The following CHCHD6 variants were observed in gnomAD, a reference collection of about 807,000 sequenced individuals.
CHCHD6 encodes coiled-coil-helix-coiled-coil-helix domain containing 6, also known as MICOS complex subunit MIC25.
A neutral mutation model predicts 32.3 loss-of-function variants in CHCHD6; 28 were observed. That is an observed-to-expected ratio of 0.87 (90% CI 0.64 to 1.19). CHCHD6 has a LOEUF of 1.19. CHCHD6 is among the 50% of genes most tolerant of loss of function. The pLI is 0.00. For synonymous variants in CHCHD6, 122 were observed against 117.5 expected (o/e 1.04, Z -0.25); for missense variants, 333 against 307.0 (o/e 1.08, Z -0.63).
At chr3:126,771,366 G>A (rs887039400) in intron 4 of CHCHD6, among the ~76,000 whole-genome samples, 2 of 151,782 alleles carry the variant, frequency 1.3e-5, no homozygotes, top group African/African-American at 2.4e-5. Context: ...CACCACGCCC[G>A]GCTAATTTTT....
rs1192969405 is a variant in CHCHD6 at position 126,960,225 on chromosome 3, T to C, written c.*24T>C. 9 of 1,551,164 alleles carry C rather than the reference T, an allele frequency of 5.8e-6. No individual in the cohort carries two copies. Among genetic ancestry groups the C allele is most frequent in the Non-Finnish European group, 7.8e-6 (9 of 1,146,818 alleles). The stretch of plus-strand genomic sequence containing the variant: ...GAGGAGCAGACATCATTCCCTGCCC[T>C]GGCAGTGACTTGGAGCCCTGAAGAA... On this transcript the variant is annotated 3_prime_UTR_variant, in exon 8 of 8. Transcript: ENST00000290913.
chr3:126,788,154 C>T (rs1475654065), intron 4 of CHCHD6, among the ~76,000 whole-genome samples: 1 of 152,144 alleles, frequency 6.6e-6, no homozygotes, highest in African/African-American at 2.4e-5. Flanking sequence ...TTGAACCAGC[C>T]TTGCATCCCA....
intron 5 of CHCHD6, among the ~76,000 whole-genome samples, chr3:126,853,929 C>T (rs560908343): frequency 6.6e-6 from 1 of 152,158 alleles, no homozygotes; most frequent in Non-Finnish European, 1.5e-5. Flanking sequence ...TTCATAGGCA[C>T]AGGGTTTTGG....
At chr3:126,789,302 A>C (rs544588315) in intron 4 of CHCHD6, among the ~76,000 whole-genome samples, 2 of 152,100 alleles carry the variant, frequency 1.3e-5, no homozygotes, top group African/African-American at 2.4e-5. Flanking sequence ...TATTCTGTTG[A>C]TTTGGGGTGG....
intron 4 of CHCHD6, among the ~76,000 whole-genome samples, chr3:126,778,435 T>A (rs779515441): frequency 6.6e-6 from 1 of 152,200 alleles, no homozygotes; most frequent in Non-Finnish European, 1.5e-5. Flanking sequence ...CACCAACGCT[T>A]GTCTTTTTGA....
intron 1 of CHCHD6, among the ~76,000 whole-genome samples, chr3:126,721,183 T>C (rs1297516663): frequency 1.3e-5 from 2 of 152,190 alleles, no homozygotes; most frequent in Non-Finnish European, 2.9e-5. Flanking sequence ...GATGTTTCCT[T>C]GCTCACAAAC....
chr3:126,710,616 G>A (rs974020940), intron 1 of CHCHD6, among the ~76,000 whole-genome samples: 1 of 152,170 alleles, frequency 6.6e-6, no homozygotes, highest in Non-Finnish European at 1.5e-5. Flanking sequence ...TTTCTGAGGA[G>A]TGTTTTTTAC....
chr3:126,908,419 C>T (rs898036486), intron 5 of CHCHD6, among the ~76,000 whole-genome samples: 1 of 152,248 alleles, frequency 6.6e-6, no homozygotes, highest in African/African-American at 2.4e-5. Flanking sequence ...TAGTGGGAAT[C>T]AGCAAACTTT....
chr3:126,958,646 C>A (rs777364097), intron 7 of CHCHD6, among the ~76,000 whole-genome samples: 8 of 152,220 alleles, frequency 5.3e-5, no homozygotes, highest in Non-Finnish European at 8.8e-5. Flanking sequence ...CACCGACTGT[C>A]CCTTCATGGC....
intron 5 of CHCHD6, among the ~76,000 whole-genome samples, chr3:126,855,304 A>G (rs1407584079): frequency 6.6e-6 from 1 of 152,192 alleles, no homozygotes; most frequent in Non-Finnish European, 1.5e-5. Context: ...ACAGCAATTC[A>G]GTCACTGTGC....
chr3:126,842,234 C>CT (rs202164701), intron 4 of CHCHD6, among the ~76,000 whole-genome samples: 41 of 152,190 alleles, frequency 2.7e-4, no homozygotes, highest in Middle Eastern at 3.4e-3. Flanking sequence ...GAGACTCTGT[C>CT]TTTTTTTTAA....
intron 4 of CHCHD6, among the ~76,000 whole-genome samples, chr3:126,742,105 A>G (rs927821604): frequency 6.6e-6 from 1 of 152,180 alleles, no homozygotes; most frequent in Non-Finnish European, 1.5e-5. Context: ...TCAGCGTTTT[A>G]GGGGATAGTA....
intron 4 of CHCHD6, among the ~76,000 whole-genome samples, chr3:126,804,732 CA>C (rs201436181): frequency 0.01 from 1,549 of 152,146 alleles, 27 homozygotes; most frequent in African/African-American, 0.035. Context: ...CAAAGCCTGG[CA>C]GAGACACAAC....
rs56141711 is a variant in CHCHD6, at chr3:126,902,658, A to C, written c.496-12022A>C. Among the ~76,000 whole-genome samples, 439 of 150,586 alleles carry C rather than the reference A, an allele frequency of 2.9e-3. 2 individuals are homozygous for C. The highest frequency in any genetic ancestry group is 4.1e-3 in the Non-Finnish European group (275 of 67,796). ...CGTGAACCTGGGAGGCAGAGGTTGC[A>C]GTGAGCCGAGATCGCGCCACTGTAC... On this transcript the variant is annotated intron_variant, in intron 5 of 7. Transcript: ENST00000290913.
intron 1 of CHCHD6, among the ~76,000 whole-genome samples, chr3:126,725,541 G>T (rs1935490280): frequency 6.6e-6 from 1 of 152,170 alleles, no homozygotes; most frequent in African/African-American, 2.4e-5. Context: ...TCCATTAAAA[G>T]TCACCAACTG....
intron 4 of CHCHD6, among the ~76,000 whole-genome samples, chr3:126,753,277 A>G: frequency 6.6e-6 from 1 of 151,888 alleles, no homozygotes; most frequent in East Asian, 1.9e-4. Context: ...GCATGAAGGA[A>G]CCTCAAGTTG....
chr3:126,845,503 A>G (rs950389585), intron 4 of CHCHD6, among the ~76,000 whole-genome samples: 16 of 152,212 alleles, frequency 1.1e-4, no homozygotes, highest in African/African-American at 3.1e-4. Flanking sequence ...GTTGTCGTCA[A>G]TCAACTCCAG....
In CHCHD6 at chr3:126,739,327, G is replaced by T. The variant is rs939876351; in HGVS notation, c.411+6105G>T. 4.0e-5 allele frequency among the ~76,000 whole-genome samples: 6 copies of T among 151,030 alleles called. No homozygotes were observed. The Admixed American group carries it at 4.0e-4, about 10-fold the overall frequency. The stretch of plus-strand genomic sequence containing the variant: ...ATTTTACTCTTTGCAGTCACATGTG[G>T]TCTTTGCCACATATTCTTTGTTGTT... On this transcript the variant is annotated intron_variant, in intron 4 of 7. Transcript: ENST00000290913.
At chr3:126,770,649 A>G (rs1395918808) in intron 4 of CHCHD6, among the ~76,000 whole-genome samples, 2 of 152,202 alleles carry the variant, frequency 1.3e-5, no homozygotes, top group African/African-American at 4.8e-5. Context: ...CGTATGTTGA[A>G]CCAACCTTGC....
Sources: gnomAD v4.1 joint callset for allele counts (sites outside exome capture counted in the v4.1 genomes callset) on GRCh38, gnomAD v4.1.1 for gene constraint, MANE v1.5 for transcripts, NCBI Gene and HGNC (gene_info 2026-07-23, HGNC 2026-07-21) for gene names.